EXOSC10: variants seen among roughly 807,000 people sequenced by gnomAD.
EXOSC10 encodes exosome component 10.
EXOSC10 carries 94 observed loss-of-function variants against 126.6 expected under a neutral mutation model. The ratio of observed to expected loss-of-function variants is 0.74; its 90% CI spans 0.63 to 0.88. The LOEUF (loss-of-function observed/expected upper bound fraction) is 0.88, where lower values mean the gene tolerates loss of function less well. Among genes scored for constraint, EXOSC10 ranks in the 40% least tolerant of loss-of-function variants. The pLI is 0.00. For synonymous variants in EXOSC10, 395 were observed against 400.8 expected (o/e 0.99, Z 0.17); for missense variants, 1,041 against 1,100.5 (o/e 0.95, Z 0.77).
chr1:11,075,769 G>T (rs990032748), intron 17 of EXOSC10, among the ~76,000 whole-genome samples: 1 of 144,304 alleles, frequency 6.9e-6, no homozygotes, highest in African/African-American at 2.6e-5. Context: ...CAGAGGGATT[G>T]CTTGAGCCCA....
At chr1:11,068,205 TGA>T (rs773644042) in intron 23 of EXOSC10, 121 bp from the exon 24 acceptor site, 49 of 730,074 alleles carry the variant, frequency 6.7e-5, no homozygotes, top group Non-Finnish European at 9.5e-5. Context: ...TTAGATCCCC[TGA>T]GAGAGGATGT....
intron 14 of EXOSC10, 68 bp downstream of exon 14, chr1:11,079,643 C>T: frequency 7.4e-7 from 1 of 1,342,988 alleles, no homozygotes. Context: ...ATCCAGCCAC[C>T]TCAGCCTCCC....
At chr1:11,087,051 T>G (rs1490173340) in intron 9 of EXOSC10, among the ~76,000 whole-genome samples, 1 of 152,216 alleles carries the variant, frequency 6.6e-6, no homozygotes, top group Non-Finnish European at 1.5e-5. Context: ...TGAAAGGATA[T>G]ATGCAGTTTT....
chr1:11,096,477 T>TTC (rs1641100263), intron 2 of EXOSC10, among the ~76,000 whole-genome samples: 1 of 147,864 alleles, frequency 6.8e-6, no homozygotes, highest in African/African-American at 2.5e-5. Context: ...CTTTCTTTTT[T>TTC]TTTTTTTTTT....
At chr1:11,067,355 C>A (rs1301961514) in intron 24 of EXOSC10, among the ~76,000 whole-genome samples, 1 of 151,952 alleles carries the variant, frequency 6.6e-6, no homozygotes, top group Non-Finnish European at 1.5e-5. Context: ...TGGCGTGAAC[C>A]CGGGAGGCGC....
intron 10 of EXOSC10, chr1:11,082,480 T>TG (rs1453016068): frequency 4.8e-6 from 6 of 1,261,342 alleles, no homozygotes; most frequent in African/African-American, 1.5e-5. Context: ...TGGAACACAG[T>TG]GTAACTGCAT....
rs1640558253 is a variant in EXOSC10, at chr1:11,087,478, A to G, written c.1059T>C (p.Asn353=). 1 of 1,614,138 alleles carries G rather than the reference A, an allele frequency of 6.2e-7. No homozygotes were observed. The highest frequency in any genetic ancestry group is 8.5e-7 in the Non-Finnish European group (1 of 1,180,016). The change falls in exon 9 of 25, where the codon AAT becomes AAC. Residue 353 remains asparagine, a synonymous_variant. Transcript: ENST00000376936. The part of the protein sequence containing the change: ...LELRSDMYIL[N]ESLTDPAIVK... ...CGATGGCTGGGTCTGTGAGGCTCTC[A>G]TTGAGAATGTACATGTCACTTCGAA...
At chr1:11,067,873 G>A (rs890248894) in intron 24 of EXOSC10, 135 bp downstream of exon 24, 1 of 692,664 alleles carries the variant, frequency 1.4e-6, no homozygotes, top group African/African-American at 1.8e-5. Flanking sequence ...GGACCTGGCT[G>A]TGGGAGGTTC....
intron 18 of EXOSC10, 99 bp from the exon 19 acceptor site, chr1:11,074,107 CGTCTT>C: frequency 7.2e-7 from 1 of 1,391,126 alleles, no homozygotes; most frequent in Non-Finnish European, 1.0e-6. Flanking sequence ...GCCTTGTCAG[CGTCTT>C]TGCCAGGACA....
At chr1:11,083,503 A>C (rs1640292536) in intron 9 of EXOSC10, among the ~76,000 whole-genome samples, 1 of 146,870 alleles carries the variant, frequency 6.8e-6, no homozygotes, top group African/African-American at 2.5e-5. Context: ...CAGAGGTTGC[A>C]GTGAGCCGAG....
chr1:11,068,673 T>C lies in EXOSC10; in HGVS notation c.2522A>G (p.Asp841Gly), dbSNP rs1639257236. ...GCCAGACGGGGTCTGTTTATTTGGA[T>C]CAAACTGAGAAGAAACTTTGGATTT... is the stretch of plus-strand genomic sequence containing the variant. Reference protein sequence around the residue: ...NSKSKVSSQFDPNKQTPSGKK... With the variant: ...NSKSKVSSQFGPNKQTPSGKK... Residue 841 changes from aspartate (D) to glycine (G), a missense_variant, in exon 23 of 25, where the codon GAT (aspartate) becomes GGT (glycine). Asp to Gly is a moderately conservative substitution (Grantham distance 94). Around this residue, in one of 3 missense-constraint regions of EXOSC10, gnomAD observed 388 missense variants for 415.2 expected, o/e 0.93. Transcript: ENST00000376936. 6.2e-7 allele frequency: 1 copy of C among 1,614,160 alleles called. No individual in the cohort carries two copies. The highest frequency in any genetic ancestry group is 8.5e-7 in the Non-Finnish European group (1 of 1,180,010).
intron 19 of EXOSC10, chr1:11,073,124 G>A (rs896216742): frequency 3.3e-5 from 5 of 152,172 alleles, no homozygotes; most frequent in African/African-American, 1.2e-4. Context: ...TTCTTACAAA[G>A]TTTCCAAGTG....
Position 11,080,564 on chromosome 1 carries a change from ACACACACACACAC to A in EXOSC10, c.1587-28_1587-16del. 37 of 1,201,060 alleles carry A rather than the reference ACACACACACACAC, an allele frequency of 3.1e-5. No individual in the cohort carries two copies. The highest frequency in any genetic ancestry group is 3.5e-5 in the Non-Finnish European group (32 of 903,268). The allele number at this position is 1,201,060 out of a possible 1,614,324, so 74.4% of individuals were successfully genotyped here. A position where few individuals can be genotyped will look rare whatever the true frequency, so the allele number is the denominator to read the frequency against. On this transcript the variant is annotated splice_polypyrimidine_tract_variant and intron_variant, in intron 12 of 24. Transcript: ENST00000376936. ...GCAGTACATATCTGGAAAAAAAAAA[ACACACACACACAC>A]ACACACACACACACACACACACACA... is the stretch of plus-strand genomic sequence containing the variant.
rs1044291059 is a variant in EXOSC10 at position 11,070,244 on chromosome 1, A to AT, written c.2317-515dup. Among the ~76,000 whole-genome samples, 41 of 109,740 alleles carry AT rather than the reference A, an allele frequency of 3.7e-4. No individual in the cohort carries two copies. In the East Asian group the frequency reaches 6.6e-3, roughly 18 times the overall value. The allele number at this position is 109,740 out of a possible 152,430, so 72.0% of individuals were successfully genotyped here. On this transcript the variant is annotated intron_variant, in intron 21 of 24. Coordinates refer to ENST00000376936, the MANE Select transcript of EXOSC10 (RefSeq NM_001001998.3). The stretch of plus-strand genomic sequence containing the variant: ...AGGGTAAGAGTAAGACCATGTCACT[A>AT]TTTTTTTTTTAAAAGGAAATTAAAA...
chr1:11,089,097 G>A (rs1353955660), intron 6 of EXOSC10, among the ~76,000 whole-genome samples: 1 of 151,886 alleles, frequency 6.6e-6, no homozygotes, highest in African/African-American at 2.4e-5. Flanking sequence ...CAGGTACAGT[G>A]ATGTGTGCCT....
intron 24 of EXOSC10, among the ~76,000 whole-genome samples, chr1:11,067,411 G>A (rs1358371858): frequency 4.0e-5 from 6 of 148,376 alleles, no homozygotes; most frequent in Non-Finnish European, 8.9e-5. Flanking sequence ...CAGCCTGGGC[G>A]ACAGACCGAG....
chr1:11,099,795 A>G lies in EXOSC10; in HGVS notation c.37T>C (p.Ser13Pro), dbSNP rs979529186. 2 of 1,611,818 alleles carry G rather than the reference A, an allele frequency of 1.2e-6. No homozygotes were observed. Among genetic ancestry groups the G allele is most frequent in the Admixed American group, 1.7e-5 (1 of 59,844 alleles). ...TCGGATTTGGTTGCGCTGGTCGCCG[A>G]CAGGACCCTGGGCTCCCGGGTACTG... Reference protein sequence around the residue: ...PPSTREPRVLSATSATKSDGE... With the variant: ...PPSTREPRVLPATSATKSDGE... Residue 13 changes from serine (S) to proline (P), a missense_variant, in exon 1 of 25, where the codon TCG becomes CCG. By Grantham distance (74) the Ser-to-Pro change is moderately conservative. Coordinates refer to ENST00000376936, the MANE Select transcript of EXOSC10 (RefSeq NM_001001998.3).
At position 11,099,253 on chromosome 1, in the gene EXOSC10, CA is replaced by C. The variant is rs528883369; in HGVS notation, c.111+467del. The stretch of plus-strand genomic sequence containing the variant: ...TAATAAACGTGCAATGGGGCTTTAA[CA>C]GGTGACATTTAACTCAGGGTTAAAA... On this transcript the variant is annotated intron_variant, in intron 1 of 24. Coordinates refer to ENST00000376936, the MANE Select transcript of EXOSC10 (RefSeq NM_001001998.3). 7.9e-5 allele frequency among the ~76,000 whole-genome samples: 12 copies of C among 152,338 alleles called. No individual in the cohort carries two copies. In the South Asian group the frequency reaches 2.3e-3, roughly 29 times the overall value.
At chr1:11,067,309 G>T (rs1483655843) in intron 24 of EXOSC10, among the ~76,000 whole-genome samples, 1 of 152,162 alleles carries the variant, frequency 6.6e-6, no homozygotes, top group Non-Finnish European at 1.5e-5. Context: ...GCGGGCGCCT[G>T]TGGTCCCAGC....
Sources: gnomAD v4.1 joint callset for allele counts (sites outside exome capture counted in the v4.1 genomes callset) on GRCh38, gnomAD v4.1.1 for gene constraint, gnomAD v4.1.1 regional missense constraint, MANE v1.5 for transcripts, NCBI Gene and HGNC (gene_info 2026-07-23, HGNC 2026-07-21) for gene names.